The following THSD4 variants were observed in gnomAD, a reference collection of about 807,000 sequenced individuals.
THSD4 encodes the protein thrombospondin type 1 domain containing 4.
Under a neutral mutation model 119.0 loss-of-function variants are expected in THSD4, and 69 were observed. The observed-to-expected ratio is 0.58, with a 90% CI of 0.48 to 0.71. The LOEUF is 0.71. Among genes scored for constraint, THSD4 ranks in the 30% least tolerant of loss-of-function variants. The probability of loss-of-function intolerance (pLI) is 0.00; values close to 1 mark genes in which losing one functional copy is unlikely to be tolerated. For missense variants in THSD4, 1,393 were observed against 1,391.1 expected (o/e 1.00, Z -0.02); for synonymous variants, 524 against 540.4 (o/e 0.97, Z 0.42).
chr15:71,451,302 G>A, intron 7 of THSD4, among the ~76,000 whole-genome samples: 1 of 152,218 alleles, frequency 6.6e-6, no homozygotes, highest in East Asian at 1.9e-4. Context: ...AGTAATACAA[G>A]TTGCTTCTGA....
At chr15:71,693,970 A>G (rs1272841540) in intron 8 of THSD4, among the ~76,000 whole-genome samples, 1 of 151,864 alleles carries the variant, frequency 6.6e-6, no homozygotes, top group Non-Finnish European at 1.5e-5. Context: ...ACAGAATCAT[A>G]TACCACTGCA....
In THSD4 at chr15:71,100,490, T is replaced by C. The variant is rs1210744284; in HGVS notation, c.-80+3484T>C. Among the ~76,000 whole-genome samples the C allele has an allele frequency of 2.6e-5, 4 of 152,186 alleles. No homozygotes were observed. The South Asian group carries it at 6.2e-4, about 24-fold the overall frequency. The stretch of plus-strand genomic sequence containing the variant: ...AAGCCTTCAAATGTGACCTCAGCCC[T>C]GGCCAACACCTTGGTTGTAGGTACA... On this transcript the variant is annotated intron_variant, in intron 1 of 17. Coordinates refer to the THSD4 transcript ENST00000355327.
chr15:71,116,593 G>C (rs2040364985), intron 1 of THSD4, among the ~76,000 whole-genome samples: 1 of 152,152 alleles, frequency 6.6e-6, no homozygotes, highest in Non-Finnish European at 1.5e-5. Flanking sequence ...ACCACGCTGC[G>C]CTTCGCCCTT....
At chr15:71,607,312 A>G (rs1376555343) in intron 7 of THSD4, among the ~76,000 whole-genome samples, 2 of 152,226 alleles carry the variant, frequency 1.3e-5, no homozygotes, top group Non-Finnish European at 2.9e-5. Context: ...GCTTGCAAAA[A>G]TGCTCAAAGG....
Position 71,669,402 on chromosome 15 carries a change from G to A in THSD4, c.1357+8668G>A, listed in dbSNP as rs578122829. ...CTCTGCTTAAATTATCTATTACTCT[G>A]TGGTGAAAAATTTTCATCTTTTTTT... On this transcript the variant is annotated intron_variant, in intron 8 of 17. Coordinates refer to ENST00000261862, the MANE Select transcript of THSD4 (RefSeq NM_024817.3). Among the ~76,000 whole-genome samples, 65 of 152,088 alleles carry A rather than the reference G, an allele frequency of 4.3e-4. 1 individual carries two copies. The highest frequency in any genetic ancestry group is 1.4e-3 in the African/African-American group (59 of 41,476).
At chr15:71,717,816 G>T (rs1380434136) in intron 8 of THSD4, among the ~76,000 whole-genome samples, 1 of 152,078 alleles carries the variant, frequency 6.6e-6, no homozygotes, top group Non-Finnish European at 1.5e-5. Flanking sequence ...AGTGTCTGTT[G>T]GTCAGGTACT....
At chr15:71,172,625 G>A (rs924546089) in intron 3 of THSD4, among the ~76,000 whole-genome samples, 6 of 88,760 alleles carry the variant, frequency 6.8e-5, no homozygotes, top group African/African-American at 2.0e-4. Flanking sequence ...CATGTTATTG[G>A]TGTAAAGATA....
intron 4 of THSD4, among the ~76,000 whole-genome samples, chr15:71,230,875 C>G (rs1245504250): frequency 1.3e-5 from 2 of 152,246 alleles, no homozygotes; most frequent in African/African-American, 2.4e-5. Flanking sequence ...AAAAAGATGC[C>G]TCTTCCTCTG....
At chr15:71,345,121 T>TA (rs1280863740) in intron 6 of THSD4, among the ~76,000 whole-genome samples, 2 of 151,318 alleles carry the variant, frequency 1.3e-5, no homozygotes, top group African/African-American at 4.9e-5. Context: ...GGGTCTGTGA[T>TA]ATTGGCTGTA....
chr15:71,373,625 C>T (rs1040602412), intron 6 of THSD4, among the ~76,000 whole-genome samples: 1 of 152,188 alleles, frequency 6.6e-6, no homozygotes, highest in Non-Finnish European at 1.5e-5. Flanking sequence ...AAGACAGCTT[C>T]GAATGGTGGT....
chr15:71,557,553 T>C (rs1384965043), intron 7 of THSD4, among the ~76,000 whole-genome samples: 6 of 152,158 alleles, frequency 3.9e-5, no homozygotes, highest in Non-Finnish European at 7.4e-5. Context: ...TATAAAATTA[T>C]TGTAATTTAT....
chr15:71,145,763 G>T (rs947791434), intron 2 of THSD4, among the ~76,000 whole-genome samples: 2 of 152,140 alleles, frequency 1.3e-5, no homozygotes, highest in African/African-American at 4.8e-5. Context: ...TAATAATTGT[G>T]TGGGGTCATG....
At chr15:71,373,580 A>G (rs72761538) in intron 6 of THSD4, among the ~76,000 whole-genome samples, 32,449 of 152,142 alleles carry the variant, frequency 0.21, 4,407 homozygotes, top group Middle Eastern at 0.37. Context: ...CTGGATCCAT[A>G]AGATCTGGTG....
chr15:71,728,307 C>G (rs1036094512), intron 8 of THSD4, among the ~76,000 whole-genome samples: 6 of 152,150 alleles, frequency 3.9e-5, no homozygotes, highest in Non-Finnish European at 8.8e-5. Context: ...CAGCCCCCAC[C>G]CTACATTTCT....
At chr15:71,376,384 G>A (rs1008472597) in intron 6 of THSD4, among the ~76,000 whole-genome samples, 1 of 152,192 alleles carries the variant, frequency 6.6e-6, no homozygotes, top group East Asian at 1.9e-4. Flanking sequence ...TACCATGATT[G>A]AGTCTCCCAC....
At position 71,746,970 on chromosome 15, in the gene THSD4, G is replaced by A; in HGVS notation, c.2169G>A (p.Glu723=). 6.2e-7 allele frequency: 1 copy of A among 1,613,738 alleles called. No individual in the cohort carries two copies. Among genetic ancestry groups the A allele is most frequent in the Non-Finnish European group, 8.5e-7 (1 of 1,180,012 alleles). Residue 723 remains glutamate, a synonymous_variant, in exon 13 of 18, where the codon GAG becomes GAA. Coordinates refer to ENST00000261862, the MANE Select transcript of THSD4 (RefSeq NM_024817.3). ...TVQPYRCQHL[E]KPETTSTCQL... ...AGCCCTACCGCTGCCAGCACCTGGA[G>A]AAACCTGAGACCACCAGCACCTGCC... is the stretch of plus-strand genomic sequence containing the variant.
chr15:71,727,543 AAAAAAAAAAAATATATATATATAT>A (rs1380777026), intron 8 of THSD4, among the ~76,000 whole-genome samples: 2 of 39,878 alleles, frequency 5.0e-5, no homozygotes, highest in Non-Finnish European at 1.1e-4. Flanking sequence ...AAAAAAAAAA[AAAAAAAAAAAATATATATATATAT>A]ATATATATAT....
intron 8 of THSD4, among the ~76,000 whole-genome samples, chr15:71,667,227 T>C (rs1011617625): frequency 3.9e-5 from 6 of 152,244 alleles, no homozygotes; most frequent in Non-Finnish European, 8.8e-5. Context: ...TCCTTTTGTA[T>C]GTGAATTATT....
chr15:71,137,647 A>G (rs1596217927), intron 1 of THSD4, among the ~76,000 whole-genome samples: 1 of 152,168 alleles, frequency 6.6e-6, no homozygotes, highest in Non-Finnish European at 1.5e-5. Flanking sequence ...ATTTAACACA[A>G]TACTAATCAC....
Sources: allele counts gnomAD v4.1 joint callset (sites outside exome capture counted in the v4.1 genomes callset), GRCh38; gene constraint gnomAD v4.1.1; transcripts MANE v1.5; gene names NCBI Gene and HGNC (gene_info 2026-07-23, HGNC 2026-07-21).